The following CFAP96 variants were observed in gnomAD, a reference collection of about 807,000 sequenced individuals.
CFAP96 encodes the protein cilia-and flagella-associated protein 96.
At chr4:185,445,903 G>A in the CFAP96 span, among the ~76,000 whole-genome samples, 11 of 152,052 alleles carry the variant, frequency 7.2e-5, no homozygotes, top group South Asian at 2.1e-4. Flanking sequence ...GTACAATGGC[G>A]TGATCTCGGC....
the CFAP96 span, among the ~76,000 whole-genome samples, chr4:185,439,423 G>A: frequency 3.3e-5 from 5 of 152,166 alleles, no homozygotes; most frequent in South Asian, 1.0e-3. Flanking sequence ...AAGTGCTACA[G>A]CAGGTTCCTA....
At chr4:185,445,980 T>C in the CFAP96 span, among the ~76,000 whole-genome samples, 2 of 152,170 alleles carry the variant, frequency 1.3e-5, no homozygotes, top group Admixed American at 1.3e-4. Flanking sequence ...TAGCTGGGAT[T>C]ACAGGCATGC....
the CFAP96 span, among the ~76,000 whole-genome samples, chr4:185,442,806 A>ATAAG: frequency 6.6e-6 from 1 of 152,170 alleles, no homozygotes; most frequent in Non-Finnish European, 1.5e-5. Context: ...ATCTATTTAG[A>ATAAG]CTATCCCTTC....
the CFAP96 span, among the ~76,000 whole-genome samples, chr4:185,430,661 G>C: frequency 6.6e-6 from 1 of 152,126 alleles, no homozygotes; most frequent in African/African-American, 2.4e-5. Flanking sequence ...CCAGCACTTT[G>C]GGAGGTGGTG....
At chr4:185,432,053 C>G in the CFAP96 span, 1 of 1,551,614 alleles carries the variant, frequency 6.4e-7, no homozygotes, top group Non-Finnish European at 8.7e-7. Context: ...GTCAGATCTT[C>G]AGGCAGGTTA....
At chr4:185,444,958 T>G in the CFAP96 span, 8 of 1,543,902 alleles carry the variant, frequency 5.2e-6, no homozygotes, top group African/African-American at 6.9e-5. Context: ...TCGTTTTTCT[T>G]CGCAGCCTGG....
the CFAP96 span, chr4:185,415,771 C>T: frequency 6.2e-7 from 1 of 1,613,866 alleles, no homozygotes; most frequent in Non-Finnish European, 8.5e-7. Flanking sequence ...GTCATATTAA[C>T]ATAATGGTGT....
chr4:185,431,661 C>A, the CFAP96 span, among the ~76,000 whole-genome samples: 1 of 152,232 alleles, frequency 6.6e-6, no homozygotes, highest in Non-Finnish European at 1.5e-5. Flanking sequence ...CGCGCACACC[C>A]TTACTGACAT....
the CFAP96 span, chr4:185,445,130 G>A: frequency 1.9e-6 from 3 of 1,550,984 alleles, no homozygotes; most frequent in South Asian, 2.4e-5. Flanking sequence ...AATGTCAGAA[G>A]GTGGGAATAT....
the CFAP96 span, among the ~76,000 whole-genome samples, chr4:185,427,892 C>A: frequency 6.7e-6 from 1 of 149,824 alleles, no homozygotes; most frequent in East Asian, 1.9e-4. Context: ...TCAAGACCAG[C>A]CTGGCCAACA....
At chr4:185,415,586 G>C in the CFAP96 span, 1 of 902,878 alleles carries the variant, frequency 1.1e-6, no homozygotes, top group Non-Finnish European at 1.6e-6. Context: ...ATTAATAGAT[G>C]GCTCTTAGGT....
the CFAP96 span, among the ~76,000 whole-genome samples, chr4:185,423,547 C>T: frequency 8.2e-6 from 1 of 122,440 alleles, no homozygotes; most frequent in African/African-American, 2.5e-5. Flanking sequence ...AACCTAACTG[C>T]CAACAATAGA....
the CFAP96 span, among the ~76,000 whole-genome samples, chr4:185,427,616 C>T: frequency 3.4e-5 from 5 of 148,530 alleles, no homozygotes; most frequent in Admixed American, 6.7e-5. Context: ...AAAAATCAGC[C>T]GGGCGTGGTG....
At chr4:185,414,704 T>C in the CFAP96 span, among the ~76,000 whole-genome samples, 1 of 152,232 alleles carries the variant, frequency 6.6e-6, no homozygotes, top group African/African-American at 2.4e-5. Flanking sequence ...AAAATTCCTC[T>C]AATAAAGCCC....
At chr4:185,431,910 G>A in the CFAP96 span, 3 of 1,233,120 alleles carry the variant, frequency 2.4e-6, no homozygotes, top group South Asian at 4.4e-5. Flanking sequence ...TTTGGAAATT[G>A]TTATCTTATT....
the CFAP96 span, chr4:185,440,822 T>C: frequency 0.98 from 147,389 of 149,720 alleles, 72,765 homozygotes; most frequent in East Asian, 1. Context: ...AACTTTTGTT[T>C]GTATGGATAC....
the CFAP96 span, among the ~76,000 whole-genome samples, chr4:185,437,485 G>A: frequency 3.3e-5 from 5 of 152,072 alleles, no homozygotes; most frequent in African/African-American, 1.2e-4. Flanking sequence ...GTTATTAGAG[G>A]CATGCAGGCT....
chr4:185,438,827 T>C, the CFAP96 span, among the ~76,000 whole-genome samples: 1 of 152,224 alleles, frequency 6.6e-6, no homozygotes, highest in East Asian at 1.9e-4. Flanking sequence ...AAGACCTGTC[T>C]AGGTACTCCG....
the CFAP96 span, among the ~76,000 whole-genome samples, chr4:185,446,061 G>C: frequency 2.6e-5 from 4 of 152,064 alleles, no homozygotes; most frequent in East Asian, 5.8e-4. Flanking sequence ...GGCTGGTCTC[G>C]AACTCCCGAC....
Sources: allele counts gnomAD v4.1 joint callset (sites outside exome capture counted in the v4.1 genomes callset), GRCh38; gene constraint gnomAD v4.1.1; transcripts MANE v1.5; gene names NCBI Gene and HGNC (gene_info 2026-07-23, HGNC 2026-07-21).